NCAM1: variants seen among roughly 807,000 people sequenced by gnomAD.
NCAM1 encodes the protein neural cell adhesion molecule 1.
In NCAM1, 14 loss-of-function variants were observed where a neutral mutation model predicts 109.8. The observed-to-expected ratio is 0.13, with a 90% CI of 0.08 to 0.20. The LOEUF (loss-of-function observed/expected upper bound fraction) is 0.20. NCAM1 is among the 10% of genes least tolerant of loss of function. The pLI is 1.00. For missense variants in NCAM1, 774 were observed against 1,109.9 expected, an observed-to-expected ratio of 0.70 and a Z score of 4.30; for synonymous variants, 418 against 442.9, an observed-to-expected ratio of 0.94 and a Z score of 0.70.
chr11:113,112,656 C>G (rs782620380), intron 1 of NCAM1, among the ~76,000 whole-genome samples: 1 of 152,204 alleles, frequency 6.6e-6, no homozygotes, highest in Non-Finnish European at 1.5e-5. Flanking sequence ...CTCTCCACAG[C>G]AAACATTATG....
At chr11:112,965,086 A>ATTT (rs1950696336) in intron 1 of NCAM1, among the ~76,000 whole-genome samples, 5 of 151,774 alleles carry the variant, frequency 3.3e-5, no homozygotes, top group African/African-American at 9.7e-5. Context: ...TTTTTTTTTA[A>ATTT]AAATGGAATA....
chr11:113,144,857 G>A lies in NCAM1; in HGVS notation c.53-57522G>A, dbSNP rs183038238. ...TGGGGCATAATAGGTGTTGAGAAAT[G>A]TTAATGATCATAGCCATTGTGGTAT... is the stretch of plus-strand genomic sequence containing the variant. On this transcript the variant is annotated intron_variant, in intron 1 of 19. Coordinates refer to ENST00000316851, the MANE Select transcript of NCAM1 (RefSeq NM_181351.5). 2.8e-3 allele frequency among the ~76,000 whole-genome samples: 433 copies of A among 152,324 alleles called. 2 individuals are homozygous for A. The highest frequency in any genetic ancestry group is 0.01 in the African/African-American group (424 of 41,568).
chr11:113,023,555 T>C (rs1026865526), intron 1 of NCAM1, among the ~76,000 whole-genome samples: 1 of 152,184 alleles, frequency 6.6e-6, no homozygotes, highest in Non-Finnish European at 1.5e-5. Flanking sequence ...TTGGGAAGTA[T>C]GAACACAGTT....
chr11:113,255,767 G>C, intron 15 of NCAM1, 110 bp from the exon 16 acceptor site: 1 of 1,251,260 alleles, frequency 8.0e-7, no homozygotes, highest in African/African-American at 1.5e-5. Flanking sequence ...TTGAATTTCT[G>C]AGAAAGCAAG....
At chr11:113,179,736 A>T (rs782627942) in intron 1 of NCAM1, among the ~76,000 whole-genome samples, 7 of 152,236 alleles carry the variant, frequency 4.6e-5, no homozygotes, top group Non-Finnish European at 8.8e-5. Flanking sequence ...TCCAGCAAAC[A>T]CATGGAAATT....
At chr11:113,244,226 C>G in intron 14 of NCAM1, among the ~76,000 whole-genome samples, 1 of 152,162 alleles carries the variant, frequency 6.6e-6, no homozygotes, top group Non-Finnish European at 1.5e-5. Context: ...AGGTGGCTCA[C>G]TGTAGGTTGG....
At chr11:113,146,720 G>A (rs1942031179) in intron 1 of NCAM1, among the ~76,000 whole-genome samples, 1 of 152,194 alleles carries the variant, frequency 6.6e-6, no homozygotes, top group Admixed American at 6.5e-5. Flanking sequence ...GCTAGGCAGA[G>A]GCCATCTGGG....
chr11:113,181,825 A>T (rs897358049), intron 1 of NCAM1, among the ~76,000 whole-genome samples: 11 of 152,154 alleles, frequency 7.2e-5, no homozygotes, highest in African/African-American at 2.7e-4. Flanking sequence ...GCCACTCAGG[A>T]TTAGATTAAG....
At chr11:113,029,475 C>T (rs1428854020) in intron 1 of NCAM1, among the ~76,000 whole-genome samples, 5 of 152,120 alleles carry the variant, frequency 3.3e-5, no homozygotes, top group African/African-American at 1.2e-4. Context: ...TTAAGCAATT[C>T]AGTATTGATA....
At position 113,053,455 on chromosome 11, in the gene NCAM1, C is replaced by T. The variant is rs114044248; in HGVS notation, c.52+91791C>T. ...GGGATTGCTGGGCCAAGTGATATTT[C>T]GGCTTCTAGATCTTTGAAGAATCAC... On this transcript the variant is annotated intron_variant, in intron 1 of 19. Transcript: ENST00000316851. Among the ~76,000 whole-genome samples the T allele has an allele frequency of 9.9e-3, 1,500 of 152,220 alleles. 25 individuals are homozygous for T. The highest frequency in any genetic ancestry group is 0.034 in the African/African-American group (1,416 of 41,542).
intron 1 of NCAM1, among the ~76,000 whole-genome samples, chr11:112,998,037 T>C (rs1472200098): frequency 6.6e-6 from 1 of 152,128 alleles, no homozygotes; most frequent in African/African-American, 2.4e-5. Context: ...AGGGCAGAGC[T>C]GGGGTTAGAT....
At chr11:113,027,908 A>G (rs1952598886) in intron 1 of NCAM1, among the ~76,000 whole-genome samples, 1 of 152,210 alleles carries the variant, frequency 6.6e-6, no homozygotes, top group Middle Eastern at 3.2e-3. Flanking sequence ...TAGAATAGAA[A>G]GGAAGGACAT....
intron 1 of NCAM1, among the ~76,000 whole-genome samples, chr11:113,000,118 A>G (rs1233951699): frequency 6.6e-6 from 1 of 152,318 alleles, no homozygotes; most frequent in East Asian, 1.9e-4. Context: ...CATATATTTT[A>G]CTTTACTTTT....
At position 113,207,943 on chromosome 11, in the gene NCAM1, T is replaced by C; in HGVS notation, c.857T>C (p.Ile286Thr). ...KVDKNDEAEYICIAENKAGEQ... is the reference protein window; with the variant it reads ...KVDKNDEAEYTCIAENKAGEQ... ...GATAAGAACGACGAGGCTGAGTACA[T>C]CTGCATTGCTGAGAACAAGGCTGGC... is the stretch of plus-strand genomic sequence containing the variant. Residue 286 changes from isoleucine (I) to threonine (T), a missense_variant, in exon 7 of 20, where the codon ATC becomes ACC. Physicochemically the swap from Ile to Thr is moderately conservative, Grantham distance 89. Around this residue, in one of 4 missense-constraint regions of NCAM1, gnomAD observed 523 missense variants for 784.2 expected, o/e 0.67. Coordinates refer to ENST00000316851, the MANE Select transcript of NCAM1 (RefSeq NM_181351.5). 6.2e-7 allele frequency: 1 copy of C among 1,612,590 alleles called. No individual in the cohort carries two copies.
chr11:113,256,102 G>A, intron 16 of NCAM1, 101 bp downstream of exon 16: 8 of 1,457,874 alleles, frequency 5.5e-6, no homozygotes, highest in Non-Finnish European at 7.4e-6. Context: ...GGGTGGGATG[G>A]GGTCTTATTC....
chr11:113,232,758 GT>G lies in NCAM1; in HGVS notation c.1467del (p.Cys489Ter), dbSNP rs1945047958. 6.2e-7 allele frequency: 1 copy of G among 1,613,824 alleles called. No homozygotes were observed. Among genetic ancestry groups the G allele is most frequent in the Admixed American group, 1.7e-5 (1 of 60,004 alleles). On this transcript the variant is annotated frameshift_variant, in exon 12 of 20. Coordinates refer to ENST00000316851, the MANE Select transcript of NCAM1 (RefSeq NM_181351.5). LOFTEE classifies it high-confidence loss of function. Reference protein sequence around the residue: ...DSENDFGNYNCTAVNRIGQES... With the variant: ...DSENDFGNYNXTAVNRIGQES... ...GAGAATGATTTTGGGAACTACAACT[GT>G]ACTGCAGTGAACCGCATTGGGCAGG...
At chr11:113,194,922 T>C (rs1288129718) in intron 1 of NCAM1, among the ~76,000 whole-genome samples, 1 of 152,182 alleles carries the variant, frequency 6.6e-6, no homozygotes, top group Non-Finnish European at 1.5e-5. Context: ...AGGAATGAGA[T>C]AGAATTCTTG....
chr11:113,088,540 GCGATCTCAC>G lies in NCAM1; in HGVS notation c.53-113838_53-113830del, dbSNP rs569072690. On this transcript the variant is annotated intron_variant, in intron 1 of 19. Transcript: ENST00000316851. ...CCACTCAACCATTTGATATGGCATA[GCGATCTCAC>G]TGATCATTGGGTAAAACACTAGTAC... Among the ~76,000 whole-genome samples the G allele has an allele frequency of 1.8e-4, 10 of 56,922 alleles. No homozygotes were observed. The East Asian group carries it at 2.2e-3, about 12-fold the overall frequency. The allele number at this position is 56,922 out of a possible 152,430, so 37.3% of individuals were successfully genotyped here. A position where few individuals can be genotyped will look rare whatever the true frequency, so the allele number is the denominator to read the frequency against.
In NCAM1 at chr11:113,207,274, C is replaced by G; in HGVS notation, c.642C>G (p.Ile214Met). ...IQVIVNVPPTIQARQNIVNAT... is the reference protein window; with the variant it reads ...IQVIVNVPPTMQARQNIVNAT... ...TTTTTCCTTCAGTGCCACCTACCAT[C>G]CAGGCCAGGCAGAATATTGTGAATG... is the stretch of plus-strand genomic sequence containing the variant. The change falls in exon 6 of 20, where the codon ATC becomes ATG. Residue 214 changes from isoleucine (I) to methionine (M), a missense_variant. Physicochemically the swap from Ile to Met is conservative, Grantham distance 10 (BLOSUM62 1). Coordinates refer to ENST00000316851, the MANE Select transcript of NCAM1 (RefSeq NM_181351.5). 6.2e-7 allele frequency: 1 copy of G among 1,613,952 alleles called. No individual in the cohort carries two copies. The highest frequency in any genetic ancestry group is 8.5e-7 in the Non-Finnish European group (1 of 1,179,846).
Sources: allele counts gnomAD v4.1 joint callset (sites outside exome capture counted in the v4.1 genomes callset), GRCh38; gene constraint gnomAD v4.1.1; regional missense constraint gnomAD v4.1.1; transcripts MANE v1.5; gene names NCBI Gene and HGNC (gene_info 2026-07-23, HGNC 2026-07-21).